KDM5A: variants seen among roughly 807,000 people sequenced by gnomAD.
KDM5A encodes the protein lysine-specific demethylase 5A.
A neutral mutation model predicts 193.5 loss-of-function variants in KDM5A; 42 were observed. That is an observed-to-expected ratio of 0.22 (90% CI 0.17 to 0.28). KDM5A has a LOEUF of 0.28. Ranked by LOEUF, KDM5A falls within the 10% of genes least tolerant of loss-of-function variation. The pLI is 1.00. For missense variants in KDM5A, 1,692 were observed against 2,055.1 expected, an observed-to-expected ratio of 0.82 and a Z score of 3.42; for synonymous variants, 796 against 718.1, an observed-to-expected ratio of 1.11 and a Z score of -1.73.
At chr12:305,819 AT>A (rs1943496311) in intron 24 of KDM5A, among the ~76,000 whole-genome samples, 1 of 152,206 alleles carries the variant, frequency 6.6e-6, no homozygotes, top group Non-Finnish European at 1.5e-5. Flanking sequence ...AAATAATCAC[AT>A]TGATGGTAAA....
intron 3 of KDM5A, among the ~76,000 whole-genome samples, chr12:378,647 C>A (rs1199472159): frequency 6.6e-6 from 1 of 152,152 alleles, no homozygotes; most frequent in Non-Finnish European, 1.5e-5. Context: ...ATGCTTCTTG[C>A]TGAAGTGGTT....
At chr12:387,081 CA>C (rs1370462873) in intron 1 of KDM5A, among the ~76,000 whole-genome samples, 1 of 151,890 alleles carries the variant, frequency 6.6e-6, no homozygotes, top group African/African-American at 2.4e-5. Flanking sequence ...CCCAAATATT[CA>C]AAAAACACGC....
chr12:378,579 T>C (rs1321874694), intron 3 of KDM5A, among the ~76,000 whole-genome samples: 1 of 152,206 alleles, frequency 6.6e-6, no homozygotes, highest in Non-Finnish European at 1.5e-5. Flanking sequence ...GCCTTGTGTT[T>C]TAAAAGTGTA....
chr12:331,816 G>A lies in KDM5A; in HGVS notation c.1773+3C>T. 4 of 1,613,910 alleles carry A rather than the reference G, an allele frequency of 2.5e-6. No individual in the cohort carries two copies. The highest frequency in any genetic ancestry group is 3.4e-6 in the Non-Finnish European group (4 of 1,179,874). On this transcript the variant is annotated splice_donor_region_variant and intron_variant, in intron 13 of 27. Coordinates refer to ENST00000399788, the MANE Select transcript of KDM5A (RefSeq NM_001042603.3). ...TACAACAGCCACTTGCTATAGAACA[G>A]ACCCAGTCAGCAGTACAGAAGTTCA...
chr12:311,196 T>C, intron 20 of KDM5A, 132 bp from the exon 21 acceptor site: 1 of 798,034 alleles, frequency 1.3e-6, no homozygotes. Flanking sequence ...ATTCCATCTC[T>C]TGAATTAATA....
intron 7 of KDM5A, 143 bp from the exon 8 acceptor site, chr12:354,377 G>T (rs571239132): frequency 1.6e-3 from 1,023 of 647,414 alleles, no homozygotes; most frequent in Non-Finnish European, 2.2e-3. Flanking sequence ...TCAAGTAATT[G>T]TATTTAAACA....
intron 14 of KDM5A, 148 bp downstream of exon 14, chr12:328,687 G>T: frequency 1.4e-6 from 1 of 713,610 alleles, no homozygotes; most frequent in Non-Finnish European, 2.3e-6. Context: ...AAATCAATAT[G>T]TCAATTATAA....
At chr12:296,179 G>C (rs1463357893) in intron 25 of KDM5A, among the ~76,000 whole-genome samples, 1 of 151,970 alleles carries the variant, frequency 6.6e-6, no homozygotes, top group Non-Finnish European at 1.5e-5. Context: ...AATTAGCCAA[G>C]CGTGGTGGCG....
In KDM5A at chr12:364,115, C is replaced by T. The variant is rs143252727; in HGVS notation, c.538-1018G>A. 1.7e-4 allele frequency among the ~76,000 whole-genome samples: 26 copies of T among 152,292 alleles called. 1 individual carries two copies. In the East Asian group the frequency reaches 5.0e-3, roughly 29 times the overall value. On this transcript the variant is annotated intron_variant, in intron 4 of 27. Coordinates refer to ENST00000399788, the MANE Select transcript of KDM5A (RefSeq NM_001042603.3). ...CAGGATGTGGAAAAACTAGAAGCCTCTACATTACTGGTGGGAAAGTAAAAT... is the reference window on the plus strand; with the variant it reads ...CAGGATGTGGAAAAACTAGAAGCCTTTACATTACTGGTGGGAAAGTAAAAT...
At chr12:375,117 C>T (rs983743679) in intron 3 of KDM5A, among the ~76,000 whole-genome samples, 7 of 152,070 alleles carry the variant, frequency 4.6e-5, no homozygotes, top group South Asian at 4.1e-4. Flanking sequence ...ATTTGAATGT[C>T]GGCCTGCCTT....
In KDM5A at chr12:306,993, T is replaced by C; in HGVS notation, c.4027A>G (p.Thr1343Ala). ...RQTMDYDDEE[T>A]DSDEDIRETY... is the part of the protein sequence containing the mutation. ...TCTCGAATGTCTTCATCAGAGTCTG[T>C]TTCTTCATCATCATAGTCCATTGTT... Residue 1343 changes from threonine to alanine, a missense_variant, in exon 24 of 28, where the codon ACA becomes GCA. By Grantham distance (58) the Thr-to-Ala change is moderately conservative. This residue lies in a region of KDM5A where 965 missense variants were observed against 1,061.0 expected (regional missense o/e 0.91). Coordinates refer to ENST00000399788, the MANE Select transcript of KDM5A (RefSeq NM_001042603.3). 6.2e-7 allele frequency: 1 copy of C among 1,614,078 alleles called. No individual in the cohort carries two copies. The highest frequency in any genetic ancestry group is 8.5e-7 in the Non-Finnish European group (1 of 1,179,988).
At chr12:372,519 C>T (rs773557921) in intron 3 of KDM5A, among the ~76,000 whole-genome samples, 8 of 152,316 alleles carry the variant, frequency 5.3e-5, no homozygotes, top group East Asian at 3.9e-4. Context: ...TCTAAATATA[C>T]AGTCATGTCA....
chr12:382,924 T>G (rs1296257559), intron 3 of KDM5A, among the ~76,000 whole-genome samples: 3 of 150,852 alleles, frequency 2.0e-5, no homozygotes, highest in African/African-American at 7.3e-5. Context: ...AGAGCAAAAC[T>G]CCATCTCAAA....
intron 18 of KDM5A, 86 bp downstream of exon 18, chr12:320,909 T>A (rs79485732): frequency 0.028 from 26,572 of 936,252 alleles, 518 homozygotes; most frequent in South Asian, 0.046. Flanking sequence ...AGCAAAAAAC[T>A]AGTTTAGATA....
intron 1 of KDM5A, chr12:388,227 C>T (rs1360172185): frequency 2.2e-6 from 1 of 453,558 alleles, no homozygotes; most frequent in African/African-American, 2.0e-5. Flanking sequence ...TATCTGTTTT[C>T]CTTACCTCAA....
At chr12:292,417 T>C (rs1943307365) in intron 27 of KDM5A, among the ~76,000 whole-genome samples, 5 of 152,228 alleles carry the variant, frequency 3.3e-5, no homozygotes, top group South Asian at 2.1e-4. Flanking sequence ...ACAAGGTATT[T>C]AGTTCTCTGA....
Position 350,689 on chromosome 12 carries a change from A to C in KDM5A, c.1240T>G (p.Ser414Ala). ...AATCCACTTCCAAAGTCTTTTGAGG[A>C]GATATCTGCTCCATATTCCACAATA... is the stretch of plus-strand genomic sequence containing the variant. The part of the protein sequence containing the change: ...DVIVEYGADI[S>A]SKDFGSGFPV... The change falls in exon 10 of 28, where the codon TCC becomes GCC. Residue 414 changes from serine (S) to alanine (A), a missense_variant. Ser to Ala is a moderately conservative substitution (Grantham distance 99, BLOSUM62 1). Transcript: ENST00000399788. The C allele has an allele frequency of 6.2e-7, 1 of 1,614,076 alleles. No individual in the cohort carries two copies. Among genetic ancestry groups the C allele is most frequent in the Non-Finnish European group, 8.5e-7 (1 of 1,179,980 alleles).
chr12:311,119 T>A (rs1325341424), intron 20 of KDM5A, 55 bp from the exon 21 acceptor site: 1 of 1,533,222 alleles, frequency 6.5e-7, no homozygotes, highest in African/African-American at 1.4e-5. Flanking sequence ...GGTTTGGCAA[T>A]ATACTGTTGA....
At chr12:386,000 AAC>A (rs1230818176) in intron 1 of KDM5A, 26 bp from the exon 2 acceptor site, 31 of 1,564,504 alleles carry the variant, frequency 2.0e-5, no homozygotes, top group South Asian at 2.2e-5. Flanking sequence ...TTTTTAAAAA[AAC>A]ACAGTGGTAT....
Sources: allele counts gnomAD v4.1 joint callset (sites outside exome capture counted in the v4.1 genomes callset), GRCh38; gene constraint gnomAD v4.1.1; regional missense constraint gnomAD v4.1.1; transcripts MANE v1.5; gene names NCBI Gene and HGNC (gene_info 2026-07-23, HGNC 2026-07-21).